Variants in GUCY1A1 observed in about 807,000 individuals in gnomAD.
The protein encoded by GUCY1A1 is guanylate cyclase soluble subunit alpha-1.
GUCY1A1 carries 48 observed loss-of-function variants against 64.5 expected under a neutral mutation model. The observed-to-expected ratio is 0.74, with a 90% CI of 0.59 to 0.95. The LOEUF (loss-of-function observed/expected upper bound fraction) is 0.95. Ranked by LOEUF, GUCY1A1 falls within the 40% of genes least tolerant of loss-of-function variation. GUCY1A1 has a pLI of 0.00. For missense variants in GUCY1A1, 804 were observed against 825.3 expected, an observed-to-expected ratio of 0.97 and a Z score of 0.32; for synonymous variants, 308 against 303.4, an observed-to-expected ratio of 1.02 and a Z score of -0.16.
At chr4:155,679,142 T>G (rs1735345394) in intron 2 of GUCY1A1, among the ~76,000 whole-genome samples, 1 of 152,010 alleles carries the variant, frequency 6.6e-6, no homozygotes, top group South Asian at 2.1e-4. Context: ...ATTTTTTTTA[T>G]TTTGATGAAG....
rs187534805 is a variant in GUCY1A1 at position 155,717,022 on chromosome 4, C to T, written c.1573-137C>T. Reference sequence around the variant, plus strand: ...CCTGAAAAAGAAAGCCATTTCTGGGCGTATCTGATTAACCCTGATCCTCCA... The same window carrying T: ...CCTGAAAAAGAAAGCCATTTCTGGGTGTATCTGATTAACCCTGATCCTCCA... On this transcript the variant is annotated intron_variant, in intron 7 of 9. Coordinates refer to ENST00000506455, the MANE Select transcript of GUCY1A1 (RefSeq NM_001130682.3). 664 of 550,232 alleles carry T rather than the reference C, an allele frequency of 1.2e-3. 3 individuals carry two copies. Among genetic ancestry groups the T allele is most frequent in the Non-Finnish European group, 1.5e-3 (506 of 329,224 alleles). 34.1% of individuals were successfully genotyped at this position (550,232 alleles called of 1,614,324 possible). A position where few individuals can be genotyped will look rare whatever the true frequency, so the allele number is the denominator to read the frequency against.
chr4:155,726,015 G>A (rs1465620947), intron 9 of GUCY1A1, among the ~76,000 whole-genome samples: 13 of 151,886 alleles, frequency 8.6e-5, no homozygotes, highest in Non-Finnish European at 5.9e-5. Flanking sequence ...TAACATTTCT[G>A]TCTTTGTTTC....
intron 2 of GUCY1A1, among the ~76,000 whole-genome samples, chr4:155,683,699 A>G (rs946470809): frequency 3.9e-5 from 6 of 152,240 alleles, no homozygotes; most frequent in Admixed American, 3.3e-4. Flanking sequence ...GGAACTGTAG[A>G]CAGTGAAAGC....
Position 155,730,198 on chromosome 4 carries a change from C to A in GUCY1A1, c.2040C>A (p.Ala680=). 2 of 1,610,546 alleles carry A rather than the reference C, an allele frequency of 1.2e-6. No homozygotes were observed. The highest frequency in any genetic ancestry group is 1.1e-5 in the South Asian group (1 of 90,992). Residue 680 remains alanine (A), a synonymous_variant, in exon 10 of 10, where the codon GCC becomes GCA. Coordinates refer to ENST00000506455, the MANE Select transcript of GUCY1A1 (RefSeq NM_001130682.3). ...AGAAAGATGTGGAAGATGGCAATGC[C>A]AATTTTTTAGGCAAAGCATCAGGAA... The part of the protein sequence containing the change: ...FQKKDVEDGN[A]NFLGKASGID
At chr4:155,707,746 G>T (rs536952994) in intron 4 of GUCY1A1, among the ~76,000 whole-genome samples, 1 of 151,950 alleles carries the variant, frequency 6.6e-6, no homozygotes, top group African/African-American at 2.4e-5. Flanking sequence ...GTTCTGGATG[G>T]TATATGTCAT....
At position 155,730,109 on chromosome 4, in the gene GUCY1A1, C is replaced by A; in HGVS notation, c.1951C>A (p.Pro651Thr). Reference protein sequence around the residue: ...ELPPNFPSEIPGICHFLDAYQ... With the variant: ...ELPPNFPSEITGICHFLDAYQ... Reference sequence around the variant, plus strand: ...TCCACCAAACTTCCCTAGTGAAATCCCCGGAATCTGCCATTTTCTGGATGC... The same window carrying A: ...TCCACCAAACTTCCCTAGTGAAATCACCGGAATCTGCCATTTTCTGGATGC... Residue 651 changes from proline (P) to threonine (T), a missense_variant, in exon 10 of 10, where the codon CCC (proline) becomes ACC (threonine). Transcript: ENST00000506455. 6.2e-7 allele frequency: 1 copy of A among 1,611,076 alleles called. No individual in the cohort carries two copies. Among genetic ancestry groups the A allele is most frequent in the Non-Finnish European group, 8.5e-7 (1 of 1,177,758 alleles).
rs772453526 is a variant in GUCY1A1 at position 155,722,162 on chromosome 4, G to A, written c.1841G>A (p.Arg614Gln). 16 of 1,612,464 alleles carry A rather than the reference G, an allele frequency of 9.9e-6. No individual in the cohort carries two copies. Among genetic ancestry groups the A allele is most frequent in the African/African-American group, 4.0e-5 (3 of 74,800 alleles). The stretch of plus-strand genomic sequence containing the variant: ...AAATTTGAGTCCTGCAGTGTACCAC[G>A]AAAAATCAATGTCAGCCCAACAACT... The part of the protein sequence containing the change: ...ANKFESCSVP[R>Q]KINVSPTTYR... Residue 614 changes from arginine to glutamine, a missense_variant, in exon 9 of 10, where the codon CGA (arginine) becomes CAA (glutamine). Transcript: ENST00000506455.
At chr4:155,721,820 C>A (rs1399325542) in intron 8 of GUCY1A1, among the ~76,000 whole-genome samples, 1 of 151,958 alleles carries the variant, frequency 6.6e-6, no homozygotes, top group Non-Finnish European at 1.5e-5. Flanking sequence ...GTGTAATAAA[C>A]CTAAATGGAA....
In GUCY1A1 at chr4:155,734,707, T is replaced by A. The variant is rs1735894253; in HGVS notation, c.*4476T>A. 1 of 151,956 alleles carries A rather than the reference T, an allele frequency of 6.6e-6. No individual in the cohort carries two copies. Among genetic ancestry groups the A allele is most frequent in the Admixed American group, 6.6e-5 (1 of 15,244 alleles). The allele number at this position is 151,956 out of a possible 1,614,324, so 9.4% of individuals were successfully genotyped here. A position where few individuals can be genotyped will look rare whatever the true frequency, so the allele number is the denominator to read the frequency against. On this transcript the variant is annotated 3_prime_UTR_variant, in exon 10 of 10. Transcript: ENST00000506455. The stretch of plus-strand genomic sequence containing the variant: ...CTTACCGTCTCCTCCAAAACAGAAA[T>A]TCAGTGCTGCAGAGACGGTAGCAAA...
intron 4 of GUCY1A1, among the ~76,000 whole-genome samples, chr4:155,707,745 G>A (rs1056542104): frequency 6.6e-6 from 1 of 151,972 alleles, no homozygotes; most frequent in Non-Finnish European, 1.5e-5. Context: ...TGTTCTGGAT[G>A]GTATATGTCA....
chr4:155,721,791 GAC>G (rs1733984549), intron 8 of GUCY1A1, among the ~76,000 whole-genome samples: 1 of 152,232 alleles, frequency 6.6e-6, no homozygotes, highest in Admixed American at 6.5e-5. Context: ...GTTGAAGACA[GAC>G]ACAATTAAGA....
intron 4 of GUCY1A1, among the ~76,000 whole-genome samples, chr4:155,704,531 G>C (rs1305259476): frequency 6.6e-6 from 1 of 151,090 alleles, no homozygotes; most frequent in African/African-American, 2.4e-5. Flanking sequence ...AAGTGCTTAA[G>C]AGGAGGGGGA....
Position 155,677,028 on chromosome 4 carries a change from C to T in GUCY1A1, c.-113+9609C>T, listed in dbSNP as rs536201662. ...TGAGTTTGTGTGGTCTAAGTCTGTCCGCCCCAACCTTTACTCAAAACGTTC... is the reference window on the plus strand; with the variant it reads ...TGAGTTTGTGTGGTCTAAGTCTGTCTGCCCCAACCTTTACTCAAAACGTTC... On this transcript the variant is annotated intron_variant, in intron 2 of 9. Transcript: ENST00000506455. Among the ~76,000 whole-genome samples, 20 of 151,524 alleles carry T rather than the reference C, an allele frequency of 1.3e-4. 2 individuals are homozygous for T. The highest frequency in any genetic ancestry group is 4.4e-4 in the African/African-American group (18 of 40,862).
Position 155,713,178 on chromosome 4 carries a change from A to G in GUCY1A1, c.1167A>G (p.Arg389=), listed in dbSNP as rs1469409510. ...ILFLGSPCVD[R]LEDFTGRGLY... ...TTTTGGGGTCACCCTGTGTGGACAG[A>G]TTAGAAGATTTTACAGGACGAGGGC... The change falls in exon 7 of 10, where the codon AGA becomes AGG. Residue 389 remains arginine, a synonymous_variant. Transcript: ENST00000506455. The G allele has an allele frequency of 2.5e-6, 4 of 1,614,006 alleles. No individual in the cohort carries two copies. Among genetic ancestry groups the G allele is most frequent in the South Asian group, 1.1e-5 (1 of 91,070 alleles).
chr4:155,677,511 TG>T (rs1188467322), intron 2 of GUCY1A1, among the ~76,000 whole-genome samples: 1 of 151,892 alleles, frequency 6.6e-6, no homozygotes, highest in African/African-American at 2.4e-5. Flanking sequence ...ATTGAAAAAG[TG>T]TTCTAGTTTC....
rs953426230 is a variant in GUCY1A1, at chr4:155,732,243, A to T, written c.*2012A>T. The T allele has an allele frequency of 6.6e-6, 1 of 151,910 alleles. No homozygotes were observed. Among genetic ancestry groups the T allele is most frequent in the Non-Finnish European group, 1.5e-5 (1 of 67,884 alleles). The allele number at this position is 151,910 out of a possible 1,614,324, so 9.4% of individuals were successfully genotyped here. On this transcript the variant is annotated 3_prime_UTR_variant, in exon 10 of 10. Transcript: ENST00000506455. ...CATATACACAAAACAAATGAGGGGAATGTATATAATCTTGGTGAAAAGTTG... is the reference window on the plus strand; with the variant it reads ...CATATACACAAAACAAATGAGGGGATTGTATATAATCTTGGTGAAAAGTTG...
At chr4:155,679,045 C>T (rs2625276) in intron 2 of GUCY1A1, among the ~76,000 whole-genome samples, 36,196 of 151,948 alleles carry the variant, frequency 0.24, 4,681 homozygotes, top group African/African-American at 0.32. Context: ...AATTAAACTC[C>T]CTTGCTGTTG....
At chr4:155,720,337 T>TTCTA (rs59667368) in intron 8 of GUCY1A1, among the ~76,000 whole-genome samples, 26,199 of 149,784 alleles carry the variant, frequency 0.17, 2,382 homozygotes, top group Admixed American at 0.23. Context: ...AAGAGCTTTA[T>TTCTA]TCTATCTATC....
At chr4:155,723,158 T>C (rs1734195363) in intron 9 of GUCY1A1, among the ~76,000 whole-genome samples, 2 of 152,016 alleles carry the variant, frequency 1.3e-5, no homozygotes, top group South Asian at 4.2e-4. Flanking sequence ...ACTCAAAAAA[T>C]CCAAGAGTTT....
Sources: gnomAD v4.1 joint callset for allele counts (sites outside exome capture counted in the v4.1 genomes callset) on GRCh38, gnomAD v4.1.1 for gene constraint, MANE v1.5 for transcripts, NCBI Gene and HGNC (gene_info 2026-07-23, HGNC 2026-07-21) for gene names.